ILDR1: variants seen among roughly 807,000 people sequenced by gnomAD.
The protein encoded by ILDR1 is immunoglobulin-like domain-containing receptor 1.
A neutral mutation model predicts 62.4 loss-of-function variants in ILDR1; 56 were observed. That is an observed-to-expected ratio of 0.90 (90% CI 0.72 to 1.12). The LOEUF (loss-of-function observed/expected upper bound fraction) is 1.12, where lower values mean the gene tolerates loss of function less well. Ranked by LOEUF, ILDR1 falls within the 50% of genes most tolerant of loss-of-function variation. The pLI is 0.00. For synonymous variants in ILDR1, 284 were observed against 277.8 expected, an observed-to-expected ratio of 1.02 and a Z score of -0.22; for missense variants, 736 against 710.6, an observed-to-expected ratio of 1.04 and a Z score of -0.41.
In ILDR1 at chr3:121,993,139, C is replaced by T. The variant is rs960093595; in HGVS notation, c.1599+11G>A. 3 of 1,565,528 alleles carry T rather than the reference C, an allele frequency of 1.9e-6. No individual in the cohort carries two copies. The highest frequency in any genetic ancestry group is 2.6e-6 in the Non-Finnish European group (3 of 1,153,266). On this transcript the variant is annotated intron_variant, in intron 7 of 7. Transcript: ENST00000344209. The stretch of plus-strand genomic sequence containing the variant: ...CCATGCCCAACCCTCAGCAGGATGC[C>T]CCAGGCTCACCGAGCGCCTCTCCAC...
At chr3:122,027,600 C>T in the ILDR1 span, among the ~76,000 whole-genome samples, 3 of 152,080 alleles carry the variant, frequency 2.0e-5, no homozygotes, top group Admixed American at 1.3e-4. Flanking sequence ...ACAAATTCTA[C>T]GTATTTCTAA....
chr3:122,038,121 G>T, the ILDR1 span, among the ~76,000 whole-genome samples: 3 of 152,146 alleles, frequency 2.0e-5, no homozygotes, highest in Non-Finnish European at 4.4e-5. Flanking sequence ...CCCAGTCTCA[G>T]GTAGTTCTTT....
chr3:122,003,655 G>A (rs2071560930), intron 3 of ILDR1, among the ~76,000 whole-genome samples: 1 of 152,110 alleles, frequency 6.6e-6, no homozygotes, highest in African/African-American at 2.4e-5. Context: ...GTCACAACAA[G>A]CCTGGAGACA....
At chr3:122,016,101 C>T (rs1249422833) in intron 1 of ILDR1, among the ~76,000 whole-genome samples, 1 of 152,218 alleles carries the variant, frequency 6.6e-6, no homozygotes, top group Admixed American at 6.5e-5. Flanking sequence ...CTGTGGCTTC[C>T]TTCACTCAGT....
chr3:122,005,361 G>T lies in ILDR1; in HGVS notation c.262C>A (p.Pro88Thr). The change falls in exon 3 of 8, where the codon CCA (proline) becomes ACA (threonine). Residue 88 changes from proline (P) to threonine (T), a missense_variant. Pro to Thr is a conservative substitution (Grantham distance 38). Transcript: ENST00000344209. ...TGGTTGTCGTTGCAGTCATTGGATG[G>T]GTCCTGGCCCAGGGATAAAGCTGCC... ...YQAALSLGQD[P>T]SNDCNDNQRE... is the part of the protein sequence containing the mutation. The T allele has an allele frequency of 6.2e-7, 1 of 1,614,158 alleles. No homozygotes were observed. The highest frequency in any genetic ancestry group is 1.1e-5 in the South Asian group (1 of 91,086).
At chr3:122,059,137 T>C in the ILDR1 span, among the ~76,000 whole-genome samples, 1 of 151,932 alleles carries the variant, frequency 6.6e-6, no homozygotes, top group African/African-American at 2.4e-5. Flanking sequence ...AGCAGACAAG[T>C]AGATATTTAG....
In ILDR1 at chr3:122,001,297, T is replaced by A. The variant is rs777537563; in HGVS notation, c.646+11A>T. The A allele has an allele frequency of 1.2e-6, 2 of 1,613,956 alleles. No homozygotes were observed. The highest frequency in any genetic ancestry group is 4.5e-5 in the East Asian group (2 of 44,890). On this transcript the variant is annotated intron_variant, in intron 5 of 7. Transcript: ENST00000344209. ...TCCACTCCATTCCACTGCTTGTCTG[T>A]CCCCTCTCACCTTCCTCAGGACAGC...
At chr3:122,048,863 T>G in the ILDR1 span, among the ~76,000 whole-genome samples, 1 of 152,164 alleles carries the variant, frequency 6.6e-6, no homozygotes, top group Non-Finnish European at 1.5e-5. Flanking sequence ...CTTGGACACC[T>G]GGCCTCAAGT....
At chr3:122,011,368 A>G (rs1025345007) in intron 1 of ILDR1, among the ~76,000 whole-genome samples, 2 of 151,980 alleles carry the variant, frequency 1.3e-5, no homozygotes, top group African/African-American at 4.8e-5. Flanking sequence ...AAATGGGGAG[A>G]AAGGTGATCA....
the ILDR1 span, among the ~76,000 whole-genome samples, chr3:122,038,789 A>G: frequency 6.6e-6 from 1 of 152,192 alleles, no homozygotes; most frequent in Non-Finnish European, 1.5e-5. Flanking sequence ...CAGAAAGACA[A>G]AAACTATAAG....
At chr3:121,989,911 CA>C (rs1031777753) in intron 7 of ILDR1, among the ~76,000 whole-genome samples, 1 of 151,994 alleles carries the variant, frequency 6.6e-6, no homozygotes, top group Non-Finnish European at 1.5e-5. Context: ...TGAACAACAA[CA>C]AAAAAAGTTG....
upstream of ILDR1, among the ~76,000 whole-genome samples, chr3:122,026,036 C>T (rs1364121979): frequency 6.6e-6 from 1 of 152,124 alleles, no homozygotes; most frequent in African/African-American, 2.4e-5. Flanking sequence ...ACAAAAATCA[C>T]AGCACCAATA....
intron 3 of ILDR1, among the ~76,000 whole-genome samples, chr3:122,002,195 T>C (rs1344697397): frequency 6.6e-6 from 1 of 152,204 alleles, no homozygotes; most frequent in African/African-American, 2.4e-5. Flanking sequence ...GGGCTTTTAC[T>C]TACTCGCAAT....
At chr3:122,035,566 C>T in the ILDR1 span, among the ~76,000 whole-genome samples, 25 of 152,182 alleles carry the variant, frequency 1.6e-4, no homozygotes, top group Non-Finnish European at 2.8e-4. Context: ...TTGCTATTCT[C>T]ATGATAGTGA....
At position 121,993,314 on chromosome 3, in the gene ILDR1, A is replaced by G. The variant is rs2071381030; in HGVS notation, c.1435T>C (p.Trp479Arg). Residue 479 changes from tryptophan (W) to arginine (R), a missense_variant, in exon 7 of 8, where the codon TGG (tryptophan) becomes CGG (arginine). Trp to Arg is a moderately radical substitution (Grantham distance 101). Coordinates refer to ENST00000344209, the MANE Select transcript of ILDR1 (RefSeq NM_001199799.2). ...SPPLPSGLSS[W>R]SSEEDKERQP... is the part of the protein sequence containing the mutation. Reference sequence around the variant, plus strand: ...CTCTCCTTGTCCTCTTCAGAGCTCCAGGAACTGAGGCCGGAGGGCAAGGGA... The same window carrying G: ...CTCTCCTTGTCCTCTTCAGAGCTCCGGGAACTGAGGCCGGAGGGCAAGGGA... 1.2e-6 allele frequency: 2 copies of G among 1,612,246 alleles called. No individual in the cohort carries two copies. The highest frequency in any genetic ancestry group is 1.7e-6 in the Non-Finnish European group (2 of 1,178,704).
chr3:122,028,564 T>C, the ILDR1 span, among the ~76,000 whole-genome samples: 1 of 152,166 alleles, frequency 6.6e-6, no homozygotes, highest in Admixed American at 6.5e-5. Context: ...AAAGTTATAA[T>C]TGGAAATATA....
chr3:122,012,098 G>A (rs1209510757), intron 1 of ILDR1, among the ~76,000 whole-genome samples: 1 of 152,116 alleles, frequency 6.6e-6, no homozygotes, highest in Non-Finnish European at 1.5e-5. Context: ...CATCTCAAAG[G>A]CAAAAATCAC....
chr3:122,031,910 A>G, the ILDR1 span, among the ~76,000 whole-genome samples: 1 of 152,154 alleles, frequency 6.6e-6, no homozygotes, highest in African/African-American at 2.4e-5. Context: ...TTGCACACAT[A>G]CTTGTTTTCT....
At chr3:122,011,967 A>G (rs561987472) in intron 1 of ILDR1, among the ~76,000 whole-genome samples, 1 of 152,324 alleles carries the variant, frequency 6.6e-6, no homozygotes, top group East Asian at 1.9e-4. Context: ...CTTGCTGACA[A>G]CAAATCCCAA....
Sources: gnomAD v4.1 joint callset for allele counts (sites outside exome capture counted in the v4.1 genomes callset) on GRCh38, gnomAD v4.1.1 for gene constraint, MANE v1.5 for transcripts, NCBI Gene and HGNC (gene_info 2026-07-23, HGNC 2026-07-21) for gene names.